The following NRG2 variants were observed in gnomAD, a reference collection of about 807,000 sequenced individuals.
NRG2 encodes pro-neuregulin-2, membrane-bound isoform.
A neutral mutation model predicts 73.9 loss-of-function variants in NRG2; 27 were observed. That is an observed-to-expected ratio of 0.37 (90% confidence interval 0.27 to 0.50). The LOEUF is 0.50. Ranked by LOEUF, NRG2 falls within the 20% of genes least tolerant of loss-of-function variation. The probability of loss-of-function intolerance (pLI) is 0.96; values close to 1 mark genes in which losing one functional copy is unlikely to be tolerated. For missense variants in NRG2, 1,126 were observed against 1,210.1 expected (o/e 0.93, Z 1.03); for synonymous variants, 532 against 541.0 (o/e 0.98, Z 0.23).
In NRG2 at chr5:140,042,971, G is replaced by A; in HGVS notation, c.99C>T (p.Ser33=). 1.3e-6 allele frequency: 2 copies of A among 1,545,420 alleles called. No individual in the cohort carries two copies. ...SDSSSSSSER[S]SSSSSSSSES... ...CGCTGCTGCTGCTGCTGCTGCTGCT[G>A]CTCCTCTCGCTGCTGCTGCTGCTGC... Residue 33 remains serine (S), a synonymous_variant, in exon 1 of 10, where the codon AGC becomes AGT. Transcript: ENST00000361474.
intron 1 of NRG2, among the ~76,000 whole-genome samples, chr5:139,938,863 AGAGAG>A: frequency 9.0e-6 from 1 of 111,730 alleles, no homozygotes; most frequent in Non-Finnish European, 1.7e-5. Flanking sequence ...AGAGAGAGAG[AGAGAG>A]AGAGAGAGAG....
At chr5:139,962,883 C>A (rs573023840) in intron 1 of NRG2, among the ~76,000 whole-genome samples, 1 of 152,306 alleles carries the variant, frequency 6.6e-6, no homozygotes, top group South Asian at 2.1e-4. Context: ...CAAATCAGGC[C>A]TCTGACTATG....
At chr5:140,010,019 C>T (rs61238366) in intron 1 of NRG2, among the ~76,000 whole-genome samples, 4,488 of 152,072 alleles carry the variant, frequency 0.03, 220 homozygotes, top group African/African-American at 0.1. Context: ...TGTATGAGGC[C>T]GGGCACAGTG....
At chr5:139,897,900 C>G (rs1057114935) in intron 1 of NRG2, among the ~76,000 whole-genome samples, 1 of 152,238 alleles carries the variant, frequency 6.6e-6, no homozygotes. Flanking sequence ...CATTAAGGGG[C>G]TCCAGCCTGG....
At chr5:139,984,802 G>C (rs926784483) in intron 1 of NRG2, among the ~76,000 whole-genome samples, 1 of 152,184 alleles carries the variant, frequency 6.6e-6, no homozygotes, top group Admixed American at 6.5e-5. Context: ...TAGGATCAAC[G>C]TAAGAATCAG....
chr5:139,946,906 A>G (rs1753833932), intron 1 of NRG2, among the ~76,000 whole-genome samples: 1 of 152,146 alleles, frequency 6.6e-6, no homozygotes, highest in Non-Finnish European at 1.5e-5. Context: ...AATGGTCAAC[A>G]AGCATATGAA....
chr5:139,899,744 G>C (rs909645979), intron 1 of NRG2, among the ~76,000 whole-genome samples: 1 of 152,188 alleles, frequency 6.6e-6, no homozygotes, highest in Non-Finnish European at 1.5e-5. Flanking sequence ...CAGTTGATCT[G>C]ATGGGGAGGG....
At position 139,847,829 on chromosome 5, in the gene NRG2, C is replaced by A; in HGVS notation, c.*88G>T. ...ATAGAAAATAAAAATATTTTTATTT[C>A]TTTTTTCCTCCTTTCTCTCCAGTAG... On this transcript the variant is annotated 3_prime_UTR_variant, in exon 10 of 10. Coordinates refer to ENST00000361474, the MANE Select transcript of NRG2 (RefSeq NM_004883.3). 1 of 749,124 alleles carries A rather than the reference C, an allele frequency of 1.3e-6. No individual in the cohort carries two copies. The allele number at this position is 749,124 out of a possible 1,614,324, so 46.4% of individuals were successfully genotyped here.
intron 1 of NRG2, among the ~76,000 whole-genome samples, chr5:139,974,343 TC>T (rs1180179422): frequency 6.6e-6 from 1 of 151,880 alleles, no homozygotes; most frequent in African/African-American, 2.4e-5. Flanking sequence ...AGTACCTCTG[TC>T]CTTGGCAAAA....
chr5:139,923,115 T>C (rs1479546826), intron 1 of NRG2, among the ~76,000 whole-genome samples: 3 of 152,160 alleles, frequency 2.0e-5, no homozygotes, highest in Non-Finnish European at 4.4e-5. Flanking sequence ...GTGATAATGA[T>C]GTGTTAATCT....
chr5:140,005,318 G>A (rs1028540335), intron 1 of NRG2, among the ~76,000 whole-genome samples: 4 of 152,180 alleles, frequency 2.6e-5, no homozygotes, highest in African/African-American at 9.7e-5. Context: ...CAGTTCCACT[G>A]CCAGAGAAAG....
intron 1 of NRG2, among the ~76,000 whole-genome samples, chr5:139,902,020 C>T (rs1764920830): frequency 6.6e-6 from 1 of 152,246 alleles, no homozygotes; most frequent in Non-Finnish European, 1.5e-5. Context: ...GCGTAGACTG[C>T]ATATCCAGAG....
intron 1 of NRG2, among the ~76,000 whole-genome samples, chr5:139,919,800 T>C (rs114249180): frequency 5.9e-4 from 90 of 152,310 alleles, no homozygotes; most frequent in African/African-American, 2.1e-3. Flanking sequence ...GACAAATATG[T>C]TGGCTATGTC....
intron 1 of NRG2, among the ~76,000 whole-genome samples, chr5:140,039,240 AT>A (rs1761733528): frequency 6.6e-6 from 1 of 152,246 alleles, no homozygotes; most frequent in Non-Finnish European, 1.5e-5. Context: ...GGGTGTAATT[AT>A]ACCAAAATAT....
At chr5:139,960,977 C>T (rs888147394) in intron 1 of NRG2, among the ~76,000 whole-genome samples, 3 of 152,248 alleles carry the variant, frequency 2.0e-5, no homozygotes, top group East Asian at 1.9e-4. Flanking sequence ...CTCGTTGGGG[C>T]CTTCATTTCT....
intron 5 of NRG2, among the ~76,000 whole-genome samples, chr5:139,861,201 G>C (rs552028581): frequency 3.1e-4 from 47 of 152,334 alleles, no homozygotes; most frequent in Non-Finnish European, 5.3e-4. Flanking sequence ...CATGCGTGCA[G>C]GGCCCCGCTC....
chr5:139,938,927 AAGAAAGAAAGAAAG>A (rs1459974385), intron 1 of NRG2, among the ~76,000 whole-genome samples: 1 of 140,350 alleles, frequency 7.1e-6, no homozygotes, highest in African/African-American at 2.7e-5. Context: ...GAAAGAAAGA[AAGAAAGAAAGAAAG>A]AAAGAAAGAA....
intron 1 of NRG2, among the ~76,000 whole-genome samples, chr5:139,980,719 C>A (rs1756733055): frequency 6.6e-6 from 1 of 152,234 alleles, no homozygotes; most frequent in African/African-American, 2.4e-5. Flanking sequence ...GCACTAATCT[C>A]TACAATCAGT....
chr5:139,866,954 A>G (rs1762506382), intron 4 of NRG2, among the ~76,000 whole-genome samples: 1 of 152,128 alleles, frequency 6.6e-6, no homozygotes, highest in Non-Finnish European at 1.5e-5. Context: ...ACATCTCCCT[A>G]CTCAGAGATG....
Sources: allele counts gnomAD v4.1 joint callset (sites outside exome capture counted in the v4.1 genomes callset), GRCh38; gene constraint gnomAD v4.1.1; transcripts MANE v1.5; gene names NCBI Gene and HGNC (gene_info 2026-07-23, HGNC 2026-07-21).